GLIS3: variants seen among roughly 807,000 people sequenced by gnomAD.
GLIS3 encodes GLIS family zinc finger 3.
Under a neutral mutation model 78.6 loss-of-function variants are expected in GLIS3, and 53 were observed. The ratio of observed to expected loss-of-function variants is 0.67; its 90% CI spans 0.54 to 0.85. The LOEUF (loss-of-function observed/expected upper bound fraction) is 0.85. Among genes scored for constraint, GLIS3 ranks in the 40% least tolerant of loss-of-function variants. GLIS3 has a pLI of 0.00. For synonymous variants in GLIS3, 684 were observed against 509.9 expected (o/e 1.34, Z -4.60); for missense variants, 1,703 against 1,231.1 (o/e 1.38, Z -5.74).
chr9:3,878,158 T>C (rs1000293740), intron 8 of GLIS3, among the ~76,000 whole-genome samples: 7 of 152,086 alleles, frequency 4.6e-5, no homozygotes, highest in Non-Finnish European at 1.0e-4. Context: ...AGCCTTAGTC[T>C]TCCTTCAATG....
intron 2 of GLIS3, among the ~76,000 whole-genome samples, chr9:4,126,372 A>G (rs1046801411): frequency 1.3e-5 from 2 of 152,182 alleles, no homozygotes; most frequent in African/African-American, 4.8e-5. Flanking sequence ...CTTCATTCCA[A>G]ATCTGTACTT....
At chr9:4,346,508 T>C (rs1448313585) in intron 2 of GLIS3, among the ~76,000 whole-genome samples, 1 of 152,220 alleles carries the variant, frequency 6.6e-6, no homozygotes, top group East Asian at 1.9e-4. Flanking sequence ...ATATCCATTA[T>C]TCATAAGTGT....
chr9:4,440,144 C>T, the GLIS3 span, among the ~76,000 whole-genome samples: 1 of 152,176 alleles, frequency 6.6e-6, no homozygotes, highest in East Asian at 1.9e-4. Flanking sequence ...TATAAGTTGT[C>T]TCTTTACTCT....
rs1158022445 is a variant in GLIS3, at chr9:3,828,137, GAA to G, written c.*133_*134del. The G allele has an allele frequency of 1.4e-5, 14 of 1,006,924 alleles. No homozygotes were observed. The highest frequency in any genetic ancestry group is 2.1e-5 in the Non-Finnish European group (14 of 651,936). The allele number at this position is 1,006,924 out of a possible 1,614,324, so 62.4% of individuals were successfully genotyped here. A position where few individuals can be genotyped will look rare whatever the true frequency, so the allele number is the denominator to read the frequency against. ...GCTCTGCCATTCAGTCCTGCCTTCT[GAA>G]AGAACATCAGTAACTCTGCAGGGCC... is the stretch of plus-strand genomic sequence containing the variant. On this transcript the variant is annotated 3_prime_UTR_variant, in exon 11 of 11. Transcript: ENST00000381971.
Position 4,118,722 on chromosome 9 carries a change from A to G in GLIS3, c.756T>C (p.Leu252=). 1.2e-6 allele frequency: 2 copies of G among 1,614,060 alleles called. No homozygotes were observed. Among genetic ancestry groups the G allele is most frequent in the Non-Finnish European group, 1.7e-6 (2 of 1,179,986 alleles). ...SQNGLDLGDL[L]SLPPGTSMSS... ...ACATGGATGTCCCGGGAGGAAGGCT[A>G]AGGAGATCCCCTAGATCAAGGCCAT... is the stretch of plus-strand genomic sequence containing the variant. The change falls in exon 4 of 11, where the codon CTT becomes CTC. Residue 252 remains leucine, a synonymous_variant. Transcript: ENST00000381971. The surrounding 1 kb of genome is among the most constrained non-coding windows in gnomAD (Gnocchi z 4.7).
At chr9:4,131,231 T>G (rs1337220072) in intron 2 of GLIS3, among the ~76,000 whole-genome samples, 1 of 152,222 alleles carries the variant, frequency 6.6e-6, no homozygotes, top group Non-Finnish European at 1.5e-5. Flanking sequence ...TAGCCTTGTC[T>G]CAGATGAATC....
At chr9:4,159,930 GT>G (rs1010272373) in intron 2 of GLIS3, among the ~76,000 whole-genome samples, 1 of 152,080 alleles carries the variant, frequency 6.6e-6, no homozygotes, top group Non-Finnish European at 1.5e-5. Context: ...TATTTATACA[GT>G]ATTTCAACTC....
the GLIS3 span, among the ~76,000 whole-genome samples, chr9:4,427,466 C>T: frequency 1.8e-4 from 27 of 152,290 alleles, no homozygotes; most frequent in African/African-American, 6.5e-4. Flanking sequence ...AGGATGTATA[C>T]ACACTCTTAT....
chr9:4,360,539 G>A, the GLIS3 span, among the ~76,000 whole-genome samples: 7 of 151,978 alleles, frequency 4.6e-5, no homozygotes, highest in Non-Finnish European at 1.0e-4. Flanking sequence ...AGCCTTTTCC[G>A]AGGATTATCT....
chr9:4,303,999 C>G (rs1283710538), upstream of GLIS3, among the ~76,000 whole-genome samples: 2 of 152,218 alleles, frequency 1.3e-5, no homozygotes, highest in Non-Finnish European at 2.9e-5. Context: ...CTCTTAATGA[C>G]CATAACTTAC....
intron 4 of GLIS3, among the ~76,000 whole-genome samples, chr9:4,055,430 G>C (rs1247523926): frequency 2.0e-5 from 3 of 152,154 alleles, no homozygotes; most frequent in Admixed American, 1.3e-4. Flanking sequence ...CATATGCCAA[G>C]TTCAGGGCCT....
the GLIS3 span, among the ~76,000 whole-genome samples, chr9:4,373,656 CAT>C: frequency 1.3e-5 from 2 of 151,162 alleles, no homozygotes; most frequent in South Asian, 2.1e-4. Context: ...TAGGGGAAAA[CAT>C]AATTTTCTTT....
chr9:4,236,686 T>G (rs981077914), intron 2 of GLIS3, among the ~76,000 whole-genome samples: 3 of 152,204 alleles, frequency 2.0e-5, no homozygotes, highest in African/African-American at 7.2e-5. Flanking sequence ...CCTCATTTAC[T>G]CATAAATATT....
chr9:4,359,337 G>C, the GLIS3 span, among the ~76,000 whole-genome samples: 90 of 152,206 alleles, frequency 5.9e-4, no homozygotes, highest in African/African-American at 2.2e-3. Context: ...TTACCTAGTG[G>C]ATTCACCCAA....
intron 4 of GLIS3, among the ~76,000 whole-genome samples, chr9:4,002,540 C>T (rs1563936908): frequency 6.6e-6 from 1 of 152,202 alleles, no homozygotes; most frequent in Non-Finnish European, 1.5e-5. Context: ...CTTCATGCCT[C>T]ATTGGTAATC....
chr9:4,481,247 G>T, the GLIS3 span, among the ~76,000 whole-genome samples: 1 of 152,132 alleles, frequency 6.6e-6, no homozygotes, highest in African/African-American at 2.4e-5. Flanking sequence ...ACTTTGGGAG[G>T]CCGAGGCAGG....
upstream of GLIS3, among the ~76,000 whole-genome samples, chr9:4,300,596 G>C (rs1331932662): frequency 1.3e-5 from 2 of 152,080 alleles, no homozygotes; most frequent in African/African-American, 4.8e-5. Flanking sequence ...GTGTTAGAAG[G>C]GTATAAAATT....
intron 4 of GLIS3, among the ~76,000 whole-genome samples, chr9:3,947,511 T>C (rs760320255): frequency 1.3e-5 from 2 of 152,232 alleles, no homozygotes; most frequent in Admixed American, 1.3e-4. Context: ...ACTTTAACAC[T>C]TGCACACATA....
the GLIS3 span, among the ~76,000 whole-genome samples, chr9:4,401,881 CT>C: frequency 2.6e-5 from 4 of 152,112 alleles, no homozygotes; most frequent in East Asian, 7.7e-4. Context: ...GTGGTGATGG[CT>C]CCAGGGAGAG....
Sources: allele counts gnomAD v4.1 joint callset (sites outside exome capture counted in the v4.1 genomes callset), GRCh38; gene constraint gnomAD v4.1.1; non-coding constraint Gnocchi (gnomAD v3.1); transcripts MANE v1.5; gene names NCBI Gene and HGNC (gene_info 2026-07-23, HGNC 2026-07-21).